Variants in KCNQ5 observed in about 807,000 individuals in gnomAD.
KCNQ5 encodes potassium voltage-gated channel subfamily Q member 5, also known as potassium voltage-gated channel subfamily KQT member 5.
In KCNQ5, 30 loss-of-function variants were observed where a neutral mutation model predicts 98.2. The ratio of observed to expected loss-of-function variants is 0.31; its 90% CI spans 0.23 to 0.41. The LOEUF is 0.41. KCNQ5 is among the 10% of genes least tolerant of loss of function. The pLI is 1.00. For missense variants in KCNQ5, 835 were observed against 1,182.5 expected (o/e 0.71, Z 4.31); for synonymous variants, 458 against 449.4 (o/e 1.02, Z -0.24).
chr6:72,945,732 G>A (rs564969058), intron 1 of KCNQ5, among the ~76,000 whole-genome samples: 1 of 152,084 alleles, frequency 6.6e-6, no homozygotes, highest in Non-Finnish European at 1.5e-5. Context: ...TGGGATTACA[G>A]GCATGAGCCA....
chr6:72,713,107 G>A (rs1769453264), intron 1 of KCNQ5, among the ~76,000 whole-genome samples: 3 of 152,058 alleles, frequency 2.0e-5, no homozygotes, highest in South Asian at 4.2e-4. Context: ...ATGCTGGTTG[G>A]GTTTGCAGCT....
intron 1 of KCNQ5, among the ~76,000 whole-genome samples, chr6:72,724,978 A>T (rs184148619): frequency 6.8e-4 from 104 of 152,344 alleles, no homozygotes; most frequent in Admixed American, 1.6e-3. Flanking sequence ...ACAATTCAAC[A>T]TAATTCTAAT....
chr6:73,058,868 A>G (rs1419044632), intron 3 of KCNQ5, among the ~76,000 whole-genome samples: 1 of 152,210 alleles, frequency 6.6e-6, no homozygotes, highest in Non-Finnish European at 1.5e-5. Context: ...ATAAGATACC[A>G]TCTCACAAAA....
chr6:72,648,091 G>A (rs533746841), intron 1 of KCNQ5, among the ~76,000 whole-genome samples: 50 of 152,100 alleles, frequency 3.3e-4, no homozygotes, highest in Admixed American at 2.8e-3. Context: ...AGAAACCTAT[G>A]GTAATTAAGT....
intron 5 of KCNQ5, among the ~76,000 whole-genome samples, chr6:73,099,251 A>G (rs1031892561): frequency 2.0e-5 from 3 of 152,182 alleles, no homozygotes; most frequent in African/African-American, 7.2e-5. Context: ...AAAGCAAGAG[A>G]AGACCACAAA....
At chr6:73,108,598 G>A (rs931979551) in intron 6 of KCNQ5, among the ~76,000 whole-genome samples, 7 of 152,114 alleles carry the variant, frequency 4.6e-5, no homozygotes, top group Admixed American at 1.3e-4. Flanking sequence ...AGGCCGAGGC[G>A]GTCGGATCAC....
chr6:73,137,886 C>A (rs1003145200), intron 10 of KCNQ5, among the ~76,000 whole-genome samples: 3 of 152,134 alleles, frequency 2.0e-5, no homozygotes, highest in African/African-American at 7.2e-5. Context: ...TTCCCCTCCC[C>A]CAACCCCCAC....
chr6:73,088,545 T>C (rs902512895), intron 5 of KCNQ5, among the ~76,000 whole-genome samples: 2 of 152,226 alleles, frequency 1.3e-5, no homozygotes. Context: ...CCTTTCTGTG[T>C]ACCTTTTGTA....
intron 1 of KCNQ5, among the ~76,000 whole-genome samples, chr6:72,650,574 C>T (rs1291359412): frequency 6.6e-6 from 1 of 151,976 alleles, no homozygotes; most frequent in African/African-American, 2.4e-5. Context: ...GGGGAAAAAT[C>T]CATTTAAAAG....
chr6:72,945,458 GT>G (rs775347849), intron 1 of KCNQ5, among the ~76,000 whole-genome samples: 7,950 of 111,622 alleles, frequency 0.071, 867 homozygotes, highest in African/African-American at 0.25. Context: ...CTGTGTCCAT[GT>G]TTTTTTTTTT....
chr6:72,923,489 T>C (rs1480175194), intron 1 of KCNQ5, among the ~76,000 whole-genome samples: 1 of 152,232 alleles, frequency 6.6e-6, no homozygotes, highest in Non-Finnish European at 1.5e-5. Flanking sequence ...TGATTAGTGA[T>C]GCTAAGCCTT....
intron 1 of KCNQ5, among the ~76,000 whole-genome samples, chr6:72,718,906 T>G (rs1187447256): frequency 6.6e-6 from 1 of 152,212 alleles, no homozygotes; most frequent in Non-Finnish European, 1.5e-5. Context: ...TATTGAAATG[T>G]AAAGATAGTT....
intron 7 of KCNQ5, among the ~76,000 whole-genome samples, chr6:73,115,589 G>C (rs1775457367): frequency 6.6e-6 from 1 of 152,128 alleles, no homozygotes; most frequent in South Asian, 2.1e-4. Context: ...TTTCTCATTA[G>C]TAATCCAAAA....
chr6:73,021,478 T>C (rs888305140), intron 2 of KCNQ5, among the ~76,000 whole-genome samples: 3 of 152,206 alleles, frequency 2.0e-5, no homozygotes, highest in Non-Finnish European at 4.4e-5. Context: ...TGCTGGCTTA[T>C]TTGTTATTGT....
rs1582153489 is a variant in KCNQ5, at chr6:72,711,849, G to A, written c.398+89262G>A. ...TGCCATTTTAGAAGTGGAAAACACT[G>A]GACTCACAATTTTATCCCCAACTTG... On this transcript the variant is annotated intron_variant, in intron 1 of 13. Coordinates refer to ENST00000370398, the MANE Select transcript of KCNQ5 (RefSeq NM_019842.4). Among the ~76,000 whole-genome samples, 3 of 152,282 alleles carry A rather than the reference G, an allele frequency of 2.0e-5. No individual in the cohort carries two copies. The East Asian group carries it at 5.8e-4, about 29-fold the overall frequency.
intron 1 of KCNQ5, among the ~76,000 whole-genome samples, chr6:72,711,481 C>T (rs1046139399): frequency 2.0e-5 from 3 of 151,966 alleles, no homozygotes; most frequent in African/African-American, 2.4e-5. Flanking sequence ...GAAAGAAAGC[C>T]GAAGCTAGAG....
intron 1 of KCNQ5, among the ~76,000 whole-genome samples, chr6:72,870,641 C>T (rs1357045241): frequency 6.6e-6 from 1 of 152,110 alleles, no homozygotes; most frequent in Non-Finnish European, 1.5e-5. Context: ...TATTAAATAG[C>T]ATCCAAATAC....
At chr6:73,139,617 C>T (rs544610381) in intron 10 of KCNQ5, among the ~76,000 whole-genome samples, 2 of 152,304 alleles carry the variant, frequency 1.3e-5, no homozygotes, top group African/African-American at 2.4e-5. Context: ...TCTCTCATCA[C>T]ATCATTTCCA....
At chr6:73,033,832 C>A (rs1267305055) in intron 2 of KCNQ5, among the ~76,000 whole-genome samples, 1 of 152,008 alleles carries the variant, frequency 6.6e-6, no homozygotes, top group Non-Finnish European at 1.5e-5. Context: ...CATGTGTCCT[C>A]AACACCAGGT....
Sources: allele counts gnomAD v4.1 joint callset (sites outside exome capture counted in the v4.1 genomes callset), GRCh38; gene constraint gnomAD v4.1.1; transcripts MANE v1.5; gene names NCBI Gene and HGNC (gene_info 2026-07-23, HGNC 2026-07-21).